STIM1: variants seen among roughly 807,000 people sequenced by gnomAD.
The protein encoded by STIM1 is stromal interaction molecule 1.
In STIM1, 25 loss-of-function variants were observed where a neutral mutation model predicts 74.7. That is an observed-to-expected ratio of 0.33 (90% CI 0.24 to 0.47). The LOEUF is 0.47. STIM1 is among the 20% of genes least tolerant of loss of function. The pLI, the probability that STIM1 is intolerant of heterozygous loss-of-function variation, is 1.00. For missense variants in STIM1, 728 were observed against 920.8 expected (o/e 0.79, Z 2.71); for synonymous variants, 328 against 348.8 (o/e 0.94, Z 0.66).
At chr11:3,857,166 G>A (rs1303657384) in intron 1 of STIM1, among the ~76,000 whole-genome samples, 1 of 117,506 alleles carries the variant, frequency 8.5e-6, no homozygotes, top group Non-Finnish European at 1.6e-5. Context: ...CTTTTGATCT[G>A]TCATGGTTTT....
intron 1 of STIM1, among the ~76,000 whole-genome samples, chr11:3,872,855 A>G (rs2091160753): frequency 6.6e-6 from 1 of 151,868 alleles, no homozygotes; most frequent in African/African-American, 2.4e-5. Context: ...CATCTGGTTT[A>G]CCATTATAGC....
At chr11:3,989,381 GTT>G (rs1449591973) in intron 2 of STIM1, 1 of 775,210 alleles carries the variant, frequency 1.3e-6, no homozygotes, top group East Asian at 2.5e-5. Context: ...GCAGGAGCAG[GTT>G]TAGCAGACAA....
In STIM1 at chr11:4,033,102, T is replaced by G. The variant is rs548759374; in HGVS notation, c.385+9115T>G. On this transcript the variant is annotated intron_variant, in intron 3 of 12. Transcript: ENST00000526596. ...GCTAGCCAGTTTTCCCAGCACCATT[T>G]ATTAAATAGGGAATCCTTTCCCCAT... 8.5e-5 allele frequency among the ~76,000 whole-genome samples: 13 copies of G among 152,180 alleles called. No homozygotes were observed. The East Asian group carries it at 2.1e-3, about 25-fold the overall frequency.
At chr11:4,074,113 A>G (rs1277898550) in intron 6 of STIM1, among the ~76,000 whole-genome samples, 2 of 152,204 alleles carry the variant, frequency 1.3e-5, no homozygotes, top group Non-Finnish European at 2.9e-5. Flanking sequence ...TTCTTCCTAC[A>G]AGTTGCAAGA....
intron 2 of STIM1, among the ~76,000 whole-genome samples, chr11:4,000,069 C>A (rs1197269645): frequency 1.3e-5 from 2 of 151,860 alleles, no homozygotes; most frequent in Non-Finnish European, 2.9e-5. Context: ...CTTAGGTAAA[C>A]AAAGCAGCCG....
At chr11:3,921,397 A>G (rs184025898) in intron 1 of STIM1, among the ~76,000 whole-genome samples, 226 of 152,302 alleles carry the variant, frequency 1.5e-3, no homozygotes, top group Non-Finnish European at 2.6e-3. Context: ...TTGCCTAGGG[A>G]TATGTAAACA....
In STIM1 at chr11:3,910,853, G is replaced by A. The variant is rs191522765; in HGVS notation, c.139+54444G>A. On this transcript the variant is annotated intron_variant, in intron 1 of 12. Coordinates refer to ENST00000526596, the MANE Select transcript of STIM1 (RefSeq NM_001382567.1). ...AAAAAAAAAATATCCGGGCGTGGTGGTGCCTGCCTATAATCCCAGCTACTC... is the reference window on the plus strand; with the variant it reads ...AAAAAAAAAATATCCGGGCGTGGTGATGCCTGCCTATAATCCCAGCTACTC... Among the ~76,000 whole-genome samples, 89 of 152,036 alleles carry A rather than the reference G, an allele frequency of 5.9e-4. No homozygotes were observed. In the Middle Eastern group the frequency reaches 0.014, roughly 23 times the overall value.
At chr11:4,011,003 A>G (rs2093830832) in intron 2 of STIM1, among the ~76,000 whole-genome samples, 1 of 152,092 alleles carries the variant, frequency 6.6e-6, no homozygotes, top group African/African-American at 2.4e-5. Flanking sequence ...TTTGCTGAGA[A>G]TGATGGTTTC....
chr11:3,989,484 T>A, intron 2 of STIM1: 2 of 650,340 alleles, frequency 3.1e-6, no homozygotes. Context: ...GGAGGGTGCG[T>A]GCGGGATGTC....
At position 4,058,200 on chromosome 11, in the gene STIM1, G is replaced by A. The variant is rs529110478; in HGVS notation, c.498-1081G>A. ...ATCTGATTTTACATAAGTTTGCACAGTAGGAAACTGAGGTCCTCGGGGAGG... is the reference window on the plus strand; with the variant it reads ...ATCTGATTTTACATAAGTTTGCACAATAGGAAACTGAGGTCCTCGGGGAGG... On this transcript the variant is annotated intron_variant, in intron 4 of 12. Transcript: ENST00000526596. Among the ~76,000 whole-genome samples, 3 of 152,328 alleles carry A rather than the reference G, an allele frequency of 2.0e-5. No individual in the cohort carries two copies. The East Asian group carries it at 5.8e-4, about 29-fold the overall frequency.
chr11:4,004,054 A>G (rs1449352866), intron 2 of STIM1, among the ~76,000 whole-genome samples: 2 of 152,224 alleles, frequency 1.3e-5, no homozygotes, highest in Admixed American at 6.5e-5. Flanking sequence ...GACCTCTTCA[A>G]GGAGAACTAC....
At chr11:3,966,942 T>G (rs1456796749) in intron 1 of STIM1, among the ~76,000 whole-genome samples, 1 of 152,218 alleles carries the variant, frequency 6.6e-6, no homozygotes, top group Non-Finnish European at 1.5e-5. Context: ...TCAGATGAGC[T>G]CGGGACCTTC....
intron 2 of STIM1, among the ~76,000 whole-genome samples, chr11:3,972,312 A>T (rs1416923528): frequency 1.3e-5 from 2 of 152,172 alleles, no homozygotes; most frequent in Non-Finnish European, 2.9e-5. Context: ...TTGTGACTAG[A>T]GTGTTAACTT....
At chr11:3,939,432 A>G (rs1477475633) in intron 1 of STIM1, among the ~76,000 whole-genome samples, 3 of 152,210 alleles carry the variant, frequency 2.0e-5, no homozygotes, top group Admixed American at 6.5e-5. Context: ...TCATTTCTGC[A>G]TTTCTCCCAA....
chr11:3,989,528 G>C (rs990321483), intron 2 of STIM1: 19 of 588,646 alleles, frequency 3.2e-5, no homozygotes, highest in African/African-American at 5.6e-5. Flanking sequence ...CCTTCGCGAA[G>C]CTGGGCTGCC....
intron 2 of STIM1, among the ~76,000 whole-genome samples, chr11:4,000,037 C>T (rs1292146551): frequency 2.6e-5 from 4 of 151,878 alleles, no homozygotes; most frequent in South Asian, 2.1e-4. Context: ...GGGGGAGGGG[C>T]GCCCGCCATT....
intron 3 of STIM1, among the ~76,000 whole-genome samples, chr11:4,034,553 A>G (rs1001746601): frequency 6.6e-6 from 1 of 152,120 alleles, no homozygotes; most frequent in Non-Finnish European, 1.5e-5. Context: ...TTAAATTTTT[A>G]TGTCTTTGTT....
chr11:4,015,047 A>C (rs1167928711), intron 2 of STIM1, among the ~76,000 whole-genome samples: 1 of 152,184 alleles, frequency 6.6e-6, no homozygotes, highest in South Asian at 2.1e-4. Context: ...TAGCCCATTT[A>C]CATTTAAGGT....
At chr11:4,007,618 A>T (rs1262804275) in intron 2 of STIM1, among the ~76,000 whole-genome samples, 1 of 152,174 alleles carries the variant, frequency 6.6e-6, no homozygotes, top group Non-Finnish European at 1.5e-5. Flanking sequence ...AGCACAGAAG[A>T]AGTCACCTTT....
Sources: allele counts gnomAD v4.1 joint callset (sites outside exome capture counted in the v4.1 genomes callset), GRCh38; gene constraint gnomAD v4.1.1; transcripts MANE v1.5; gene names NCBI Gene and HGNC (gene_info 2026-07-23, HGNC 2026-07-21).